The following TMEM145 variants were observed in gnomAD, a reference collection of about 807,000 sequenced individuals.
The protein encoded by TMEM145 is transmembrane protein 145.
A neutral mutation model predicts 68.5 loss-of-function variants in TMEM145; 46 were observed. That is an observed-to-expected ratio of 0.67 (90% CI 0.53 to 0.86). TMEM145 has a LOEUF of 0.86. Ranked by LOEUF, TMEM145 falls within the 40% of genes least tolerant of loss-of-function variation. The pLI, the probability that TMEM145 is intolerant of heterozygous loss-of-function variation, is 0.00. For missense variants in TMEM145, 570 were observed against 645.8 expected (o/e 0.88, Z 1.27); for synonymous variants, 255 against 280.2 (o/e 0.91, Z 0.90).
Position 42,316,487 on chromosome 19 carries a change from GCCT to G in TMEM145, c.657_659del (p.Leu220del). On this transcript the variant is annotated inframe_deletion, in exon 9 of 15. Coordinates refer to ENST00000301204, the MANE Select transcript of TMEM145 (RefSeq NM_173633.3). Reference sequence around the variant, plus strand: ...CTGCCCATCCTCCCCTCAGTCCTGAGCCTCCTATTTTTCTGCATCTACTGGGGT... The same window carrying G: ...CTGCCCATCCTCCCCTCAGTCCTGAGCCTATTTTTCTGCATCTACTGGGGT... 1 of 1,614,126 alleles carries G rather than the reference GCCT, an allele frequency of 6.2e-7. No individual in the cohort carries two copies.
At chr19:42,317,283 G>A (rs2038868605) in intron 11 of TMEM145, among the ~76,000 whole-genome samples, 2 of 152,148 alleles carry the variant, frequency 1.3e-5, no homozygotes, top group African/African-American at 2.4e-5. Flanking sequence ...CTTGGGTGAC[G>A]ACCCCTGTCT....
At chr19:42,319,046 T>G (rs1022609244) in intron 12 of TMEM145, among the ~76,000 whole-genome samples, 1 of 152,202 alleles carries the variant, frequency 6.6e-6, no homozygotes, top group African/African-American at 2.4e-5. Flanking sequence ...ATCGTGCCCC[T>G]GTACTCTAGC....
intron 5 of TMEM145, 65 bp downstream of exon 5, chr19:42,314,916 T>C (rs776323483): frequency 1.2e-6 from 2 of 1,613,884 alleles, no homozygotes; most frequent in Admixed American, 3.3e-5. Flanking sequence ...GGTGGCCACC[T>C]GGACCACCTT....
Position 42,323,857 on chromosome 19 carries a change from C to T in TMEM145, c.1401+68C>T, listed in dbSNP as rs1464642297. 2.1e-6 allele frequency: 3 copies of T among 1,427,570 alleles called. No homozygotes were observed. In the East Asian group the frequency reaches 6.9e-5, roughly 33 times the overall value. 88.4% of individuals were successfully genotyped at this position (1,427,570 alleles called of 1,614,324 possible). ...CCCCTGGAGTACCTGACCCCGCTCCCGGCCCCGCCGCCGCCCCCAGCGCCC... is the reference window on the plus strand; with the variant it reads ...CCCCTGGAGTACCTGACCCCGCTCCTGGCCCCGCCGCCGCCCCCAGCGCCC... On this transcript the variant is annotated intron_variant, in intron 14 of 14. Transcript: ENST00000301204.
intron 13 of TMEM145, chr19:42,321,386 GTTTTT>G (rs751803295): frequency 4.7e-4 from 75 of 159,894 alleles, no homozygotes; most frequent in East Asian, 6.8e-4. Flanking sequence ...CGGTTAAGTG[GTTTTT>G]TTTTTTTTTT....
intron 13 of TMEM145, among the ~76,000 whole-genome samples, chr19:42,322,261 C>T (rs764344834): frequency 1.1e-4 from 17 of 152,346 alleles, no homozygotes; most frequent in Non-Finnish European, 1.6e-4. Flanking sequence ...ATGCTGAGAA[C>T]CCATCATGTG....
At chr19:42,324,365 TC>T in intron 14 of TMEM145, 1 of 984,078 alleles carries the variant, frequency 1.0e-6, no homozygotes, top group Non-Finnish European at 1.2e-6. Flanking sequence ...GGGCGCAGCC[TC>T]CCCCCCACTT....
intron 12 of TMEM145, among the ~76,000 whole-genome samples, chr19:42,318,687 CA>C (rs140563915): frequency 2.1e-3 from 185 of 89,676 alleles, no homozygotes; most frequent in Middle Eastern, 0.013. Flanking sequence ...ACTTCATCTT[CA>C]AAAAAAAAAA....
At chr19:42,320,285 G>A (rs780140920) in intron 12 of TMEM145, 32 bp from the exon 13 acceptor site, 1 of 1,612,630 alleles carries the variant, frequency 6.2e-7, no homozygotes, top group South Asian at 1.1e-5. Context: ...GACAGGAGCA[G>A]TGTCTCTACT....
intron 13 of TMEM145, chr19:42,321,376 C>T (rs1357622605): frequency 1.2e-5 from 4 of 333,606 alleles, no homozygotes; most frequent in Middle Eastern, 8.0e-4. Context: ...CCACCATGCC[C>T]GGTTAAGTGG....
Position 42,316,868 on chromosome 19 carries a change from A to C in TMEM145, c.807-2A>C. 1 of 1,613,166 alleles carries C rather than the reference A, an allele frequency of 6.2e-7. No homozygotes were observed. Among genetic ancestry groups the C allele is most frequent in the Non-Finnish European group, 8.5e-7 (1 of 1,179,862 alleles). The stretch of plus-strand genomic sequence containing the variant: ...CTGTCTCCCCTCATGGCCTGCTGCC[A>C]GGGGCCGCATCAGCCACGCGGGCTC... On this transcript the variant is annotated splice_acceptor_variant, in intron 10 of 14. Coordinates refer to ENST00000301204, the MANE Select transcript of TMEM145 (RefSeq NM_173633.3). LOFTEE classifies it high-confidence loss of function.
chr19:42,320,402 C>T lies in TMEM145; in HGVS notation c.1159C>T (p.Leu387=), dbSNP rs1386418948. 6.2e-7 allele frequency: 1 copy of T among 1,614,142 alleles called. No individual in the cohort carries two copies. Among genetic ancestry groups the T allele is most frequent in the East Asian group, 2.2e-5 (1 of 44,888 alleles). Residue 387 remains leucine, a synonymous_variant, in exon 13 of 15, where the codon CTG becomes TTG. Coordinates refer to ENST00000301204, the MANE Select transcript of TMEM145 (RefSeq NM_173633.3). ...GGAGAAGATTGTCAATGGCATCCAG[C>T]TGGGGATCCACTTGTACGCCCATGG... The part of the protein sequence containing the change: ...AREKIVNGIQ[L]GIHLYAHGVF...
Position 42,313,463 on chromosome 19 carries a change from C to A in TMEM145, c.87C>A (p.Ala29=), listed in dbSNP as rs1265210220. The change falls in exon 1 of 15, where the codon GCC becomes GCA. Residue 29 remains alanine (A), a synonymous_variant. Transcript: ENST00000301204. The surrounding 1 kb of genome is among the most constrained non-coding windows in gnomAD (Gnocchi z 5.1). The stretch of plus-strand genomic sequence containing the variant: ...TGTCACTGCCCCCCCGCGCCCGGGC[C>A]AAGTACGTGCGGGGCAACCTCAGTT... ...LLLSLPPRAR[A]KYVRGNLSSK... 7.4e-7 allele frequency: 1 copy of A among 1,358,118 alleles called. No individual in the cohort carries two copies. The highest frequency in any genetic ancestry group is 3.1e-5 in the East Asian group (1 of 32,544). The allele number at this position is 1,358,118 out of a possible 1,614,324, so 84.1% of individuals were successfully genotyped here. A position where few individuals can be genotyped will look rare whatever the true frequency, so the allele number is the denominator to read the frequency against.
chr19:42,318,002 GC>G, intron 12 of TMEM145, 121 bp downstream of exon 12: 1 of 1,113,138 alleles, frequency 9.0e-7, no homozygotes, highest in Non-Finnish European at 1.3e-6. Flanking sequence ...GGCAGCTGTT[GC>G]CCAGAATCTG....
At chr19:42,320,802 T>G (rs1415274889) in intron 13 of TMEM145, among the ~76,000 whole-genome samples, 5 of 152,052 alleles carry the variant, frequency 3.3e-5, no homozygotes, top group African/African-American at 1.2e-4. Context: ...TAATTTTTTG[T>G]ATTTTTAGTA....
At position 42,313,408 on chromosome 19, in the gene TMEM145, G is replaced by A. The variant is rs564560214; in HGVS notation, c.32G>A (p.Arg11His). The A allele has an allele frequency of 4.4e-6, 6 of 1,356,122 alleles. No homozygotes were observed. Among genetic ancestry groups the A allele is most frequent in the East Asian group, 6.2e-5 (2 of 32,514 alleles). The allele number at this position is 1,356,122 out of a possible 1,614,324, so 84.0% of individuals were successfully genotyped here. The change falls in exon 1 of 15, where the codon CGC becomes CAC. Residue 11 changes from arginine (R) to histidine (H), a missense_variant. Physicochemically the swap from Arg to His is conservative, Grantham distance 29. Transcript: ENST00000301204. This position sits in a 1 kb window ranked among gnomAD's most constrained non-coding sequence, Gnocchi z 5.1. MEPLRAPALRRLLPPLLLLLL... is the reference protein window; with the variant it reads MEPLRAPALRHLLPPLLLLLL... ...CCCCTGCGCGCGCCCGCGCTGCGCC[G>A]CCTGCTGCCGCCGCTGCTGCTCCTG... is the stretch of plus-strand genomic sequence containing the variant.
chr19:42,317,041 C>A, intron 11 of TMEM145, 78 bp downstream of exon 11: 1 of 1,249,726 alleles, frequency 8.0e-7, no homozygotes, highest in Non-Finnish European at 1.1e-6. Context: ...TGTCTGCTCG[C>A]CCTTGCCCAC....
rs2038823917 is a variant in TMEM145 at position 42,313,529 on chromosome 19, C to T, written c.120+33C>T. 2.4e-6 allele frequency: 3 copies of T among 1,255,452 alleles called. No individual in the cohort carries two copies. The highest frequency in any genetic ancestry group is 1.6e-5 in the African/African-American group (1 of 64,294). The allele number at this position is 1,255,452 out of a possible 1,614,324, so 77.8% of individuals were successfully genotyped here. A position where few individuals can be genotyped will look rare whatever the true frequency, so the allele number is the denominator to read the frequency against. On this transcript the variant is annotated intron_variant, in intron 1 of 14. Coordinates refer to ENST00000301204, the MANE Select transcript of TMEM145 (RefSeq NM_173633.3). This position sits in a 1 kb window ranked among gnomAD's most constrained non-coding sequence, Gnocchi z 5.1. ...TGCCGAGCCCTCCTCTGCGGCCCGCCGGCCCCCGGGGGACGCAAGGGAGGC... is the reference window on the plus strand; with the variant it reads ...TGCCGAGCCCTCCTCTGCGGCCCGCTGGCCCCCGGGGGACGCAAGGGAGGC...
At chr19:42,320,496 G>T in intron 13 of TMEM145, 59 bp downstream of exon 13, 2 of 1,609,192 alleles carry the variant, frequency 1.2e-6, no homozygotes, top group East Asian at 2.2e-5. Flanking sequence ...AGATGTGTGA[G>T]GCTCCTACAC....
Sources: allele counts gnomAD v4.1 joint callset (sites outside exome capture counted in the v4.1 genomes callset), GRCh38; gene constraint gnomAD v4.1.1; non-coding constraint Gnocchi (gnomAD v3.1); transcripts MANE v1.5; gene names NCBI Gene and HGNC (gene_info 2026-07-23, HGNC 2026-07-21).